The following DOCK4 variants were observed in gnomAD, a reference collection of about 807,000 sequenced individuals.
The protein encoded by DOCK4 is dedicator of cytokinesis 4, also known as dedicator of cytokinesis protein 4.
A neutral mutation model predicts 268.1 loss-of-function variants in DOCK4; 97 were observed. The ratio of observed to expected loss-of-function variants is 0.36; its 90% CI spans 0.31 to 0.43. The LOEUF (loss-of-function observed/expected upper bound fraction) is 0.43. DOCK4 is among the 20% of genes least tolerant of loss of function. The probability of loss-of-function intolerance (pLI) is 1.00; values close to 1 mark genes in which losing one functional copy is unlikely to be tolerated. For missense variants in DOCK4, 2,145 were observed against 2,455.7 expected (o/e 0.87, Z 2.67); for synonymous variants, 954 against 887.2 (o/e 1.08, Z -1.34).
chr7:111,727,406 A>T lies in DOCK4; in HGVS notation c.*868T>A, dbSNP rs1199838015. On this transcript the variant is annotated 3_prime_UTR_variant, in exon 53 of 53. Transcript: ENST00000428084. ...TATTAATTTAATACTGTCTGTATTG[A>T]TTCCTGAATTCTTGCTAATGGGGCA... The T allele has an allele frequency of 1.3e-5, 2 of 152,444 alleles. No individual in the cohort carries two copies. The highest frequency in any genetic ancestry group is 2.9e-5 in the Non-Finnish European group (2 of 67,998). 9.4% of individuals were successfully genotyped at this position (152,444 alleles called of 1,614,324 possible). A position where few individuals can be genotyped will look rare whatever the true frequency, so the allele number is the denominator to read the frequency against.
intron 1 of DOCK4, among the ~76,000 whole-genome samples, chr7:112,099,785 C>T (rs1375235721): frequency 6.6e-6 from 1 of 152,034 alleles, no homozygotes; most frequent in Non-Finnish European, 1.5e-5. Context: ...ATAAAACTAC[C>T]CCCTCCCTCA....
chr7:111,765,963 G>T (rs1014950353), intron 38 of DOCK4, among the ~76,000 whole-genome samples: 1 of 152,140 alleles, frequency 6.6e-6, no homozygotes, highest in African/African-American at 2.4e-5. Flanking sequence ...CAGTTGGCAT[G>T]AAGTGTAATG....
chr7:111,836,244 A>T (rs1803231090), intron 25 of DOCK4, among the ~76,000 whole-genome samples: 1 of 151,824 alleles, frequency 6.6e-6, no homozygotes, highest in Non-Finnish European at 1.5e-5. Context: ...AAAACCTCAC[A>T]ATTAATAAGG....
intron 30 of DOCK4, among the ~76,000 whole-genome samples, chr7:111,806,010 A>G (rs553803783): frequency 6.6e-6 from 1 of 152,326 alleles, no homozygotes; most frequent in East Asian, 1.9e-4. Flanking sequence ...ATTGGACAAA[A>G]TTTTAAAATA....
chr7:112,188,906 G>A (rs1819687989), intron 1 of DOCK4, among the ~76,000 whole-genome samples: 1 of 152,130 alleles, frequency 6.6e-6, no homozygotes, highest in Non-Finnish European at 1.5e-5. Context: ...AAGTCAGTAA[G>A]AACAATGACG....
At chr7:112,137,108 C>A (rs1814431368) in intron 1 of DOCK4, among the ~76,000 whole-genome samples, 1 of 152,154 alleles carries the variant, frequency 6.6e-6, no homozygotes, top group African/African-American at 2.4e-5. Flanking sequence ...GGTATTGAGT[C>A]ATACATATTG....
rs528722327 is a variant in DOCK4 at position 111,979,195 on chromosome 7, G to T, written c.550-1912C>A. The stretch of plus-strand genomic sequence containing the variant: ...CATAGAATCACTAGAATTTTTTCGT[G>T]CTTAGAAGTTAAAACTTTTATTCCG... On this transcript the variant is annotated intron_variant, in intron 7 of 52. Transcript: ENST00000428084. Among the ~76,000 whole-genome samples the T allele has an allele frequency of 4.6e-5, 7 of 152,242 alleles. No individual in the cohort carries two copies. In the South Asian group the frequency reaches 1.4e-3, roughly 32 times the overall value.
chr7:111,870,216 T>C (rs1806298344), intron 20 of DOCK4, among the ~76,000 whole-genome samples: 1 of 152,186 alleles, frequency 6.6e-6, no homozygotes, highest in African/African-American at 2.4e-5. Context: ...GTAATTTTTT[T>C]TCCTGTTTTG....
Position 111,758,786 on chromosome 7 carries a change from C to T in DOCK4, c.4167G>A (p.Leu1389=). Residue 1389 remains leucine, a synonymous_variant, in exon 41 of 53, where the codon TTG becomes TTA. Transcript: ENST00000428084. ...GAATGGGAGTCACAGCATATATCTG[C>T]AAATCTAGGATTCAAGAGTCAAGGA... The part of the protein sequence containing the change: ...ETIFQAEAQY[L]QIYAVTPIPE... 6.2e-7 allele frequency: 1 copy of T among 1,613,578 alleles called. No individual in the cohort carries two copies. The highest frequency in any genetic ancestry group is 8.5e-7 in the Non-Finnish European group (1 of 1,179,732).
chr7:112,093,237 G>A (rs1442046600), intron 1 of DOCK4, among the ~76,000 whole-genome samples: 1 of 152,056 alleles, frequency 6.6e-6, no homozygotes, highest in Non-Finnish European at 1.5e-5. Flanking sequence ...GTGGCTCTTA[G>A]CACATGTGCT....
chr7:111,933,334 C>T (rs1180137156), intron 12 of DOCK4, among the ~76,000 whole-genome samples: 4 of 131,036 alleles, frequency 3.1e-5, no homozygotes, highest in African/African-American at 5.8e-5. Context: ...CTCTCTCTGT[C>T]GCCAGGCTGG....
chr7:111,908,404 T>C (rs1791786980), intron 13 of DOCK4, among the ~76,000 whole-genome samples: 1 of 151,900 alleles, frequency 6.6e-6, no homozygotes, highest in African/African-American at 2.4e-5. Flanking sequence ...GCCGAGATCG[T>C]GCCACTGCAC....
chr7:112,052,378 A>G (rs1031805037), intron 1 of DOCK4, among the ~76,000 whole-genome samples: 2 of 152,152 alleles, frequency 1.3e-5, no homozygotes, highest in Non-Finnish European at 1.5e-5. Flanking sequence ...CTTCTTATAG[A>G]AAACTCTATA....
intron 12 of DOCK4, among the ~76,000 whole-genome samples, chr7:111,932,174 G>A (rs903513758): frequency 9.2e-5 from 14 of 152,176 alleles, no homozygotes; most frequent in African/African-American, 3.4e-4. Context: ...ACAGATGAAT[G>A]TTGTCCTGCA....
chr7:112,007,247 G>A (rs1252902514), intron 1 of DOCK4, among the ~76,000 whole-genome samples: 1 of 152,056 alleles, frequency 6.6e-6, no homozygotes, highest in Non-Finnish European at 1.5e-5. Context: ...CTTGGGAAGA[G>A]AAACTATTTC....
At chr7:112,109,344 C>T (rs1047162664) in intron 1 of DOCK4, among the ~76,000 whole-genome samples, 1 of 152,312 alleles carries the variant, frequency 6.6e-6, no homozygotes, top group East Asian at 1.9e-4. Context: ...AGTTAGGTTT[C>T]CAGAGGACAT....
At chr7:111,944,568 C>T (rs1274131526) in intron 10 of DOCK4, among the ~76,000 whole-genome samples, 1 of 152,100 alleles carries the variant, frequency 6.6e-6, no homozygotes, top group Non-Finnish European at 1.5e-5. Context: ...CAAAATGAAA[C>T]ACAACAAACT....
At chr7:112,127,470 T>C (rs1323013729) in intron 1 of DOCK4, among the ~76,000 whole-genome samples, 1 of 148,558 alleles carries the variant, frequency 6.7e-6, no homozygotes, top group Non-Finnish European at 1.5e-5. Flanking sequence ...AAATGACAAG[T>C]TAATGGGTGC....
chr7:112,122,408 G>A (rs1563106020), intron 1 of DOCK4, among the ~76,000 whole-genome samples: 1 of 152,050 alleles, frequency 6.6e-6, no homozygotes, highest in African/African-American at 2.4e-5. Context: ...GGGTCATTAT[G>A]TTTTAAGATT....
Sources: gnomAD v4.1 joint callset for allele counts (sites outside exome capture counted in the v4.1 genomes callset) on GRCh38, gnomAD v4.1.1 for gene constraint, MANE v1.5 for transcripts, NCBI Gene and HGNC (gene_info 2026-07-23, HGNC 2026-07-21) for gene names.